The following ACSM2A variants were observed in gnomAD, a reference collection of about 807,000 sequenced individuals.
ACSM2A encodes acyl-CoA synthetase medium chain family member 2A, also known as acyl-coenzyme A synthetase ACSM2A, mitochondrial.
ACSM2A carries 72 observed loss-of-function variants against 76.6 expected under a neutral mutation model. That is an observed-to-expected ratio of 0.94 (90% CI 0.78 to 1.14). ACSM2A has a LOEUF of 1.14. ACSM2A is among the 50% of genes most tolerant of loss of function. The pLI is 0.00. For synonymous variants in ACSM2A, 249 were observed against 255.9 expected, an observed-to-expected ratio of 0.97 and a Z score of 0.26; for missense variants, 684 against 708.5, an observed-to-expected ratio of 0.97 and a Z score of 0.39.
Position 20,478,662 on chromosome 16 carries a change from C to T in ACSM2A, c.1266C>T (p.Ile422=). 1 of 1,612,900 alleles carries T rather than the reference C, an allele frequency of 6.2e-7. No homozygotes were observed. The highest frequency in any genetic ancestry group is 8.5e-7 in the Non-Finnish European group (1 of 1,179,150). Reference sequence around the variant, plus strand: ...TCAAACCCATCAGGCCTATAGGCATCTTCTCTGGCTATGTGGTGAGAAACT... The same window carrying T: ...TCAAACCCATCAGGCCTATAGGCATTTTCTCTGGCTATGTGGTGAGAAACT... ...IRVKPIRPIG[I]FSGYVDNPDK... Residue 422 remains isoleucine, a synonymous_variant, in exon 10 of 14, where the codon ATC becomes ATT. Transcript: ENST00000573854.
chr16:20,465,235 TA>T (rs967777241), intron 2 of ACSM2A, among the ~76,000 whole-genome samples: 22 of 152,268 alleles, frequency 1.4e-4, no homozygotes, highest in African/African-American at 4.3e-4. Context: ...TTTATCATTA[TA>T]AAAAAATTAT....
At chr16:20,465,831 A>C (rs1037818970) in intron 3 of ACSM2A, 104 bp downstream of exon 3, 3 of 1,486,020 alleles carry the variant, frequency 2.0e-6, no homozygotes, top group Middle Eastern at 2.2e-4. Context: ...TCCTTGGAGC[A>C]TGCTGTCCTG....
chr16:20,483,102 T>C lies in ACSM2A; in HGVS notation c.1554T>C (p.His518=). ...FVVLASQFLS[H]DPEQLTKELQ... ...TCCTGGCCTCGCAGTTCCTGTCCCA[T>C]GACCCAGAACAGCTCACCAAGGAGC... is the stretch of plus-strand genomic sequence containing the variant. The change falls in exon 13 of 14, where the codon CAT becomes CAC. Residue 518 remains histidine, a synonymous_variant. Transcript: ENST00000573854. 2.5e-6 allele frequency: 4 copies of C among 1,614,112 alleles called. No homozygotes were observed. The highest frequency in any genetic ancestry group is 3.4e-6 in the Non-Finnish European group (4 of 1,179,998).
In ACSM2A at chr16:20,480,906, C is replaced by G. The variant is rs145574596; in HGVS notation, c.1494C>G (p.Asp498Glu). Residue 498 changes from aspartate (D) to glutamate (E), a missense_variant, in exon 12 of 14, where the codon GAC (aspartate) becomes GAG (glutamate). Around this residue, in one of 3 missense-constraint regions of ACSM2A, gnomAD observed 159 missense variants for 132.5 expected, o/e 1.20. Transcript: ENST00000573854. ...AGACGGCTGTGATCAGCAGCCCAGA[C>G]CCCGTCCGAGGAGAGGTGATGGGGA... is the stretch of plus-strand genomic sequence containing the variant. The part of the protein sequence containing the change: ...VVETAVISSP[D>E]PVRGEVVKAF... 1 of 1,613,916 alleles carries G rather than the reference C, an allele frequency of 6.2e-7. No individual in the cohort carries two copies. The highest frequency in any genetic ancestry group is 8.5e-7 in the Non-Finnish European group (1 of 1,179,864).
intron 1 of ACSM2A, among the ~76,000 whole-genome samples, chr16:20,455,892 C>A (rs968005710): frequency 6.6e-6 from 1 of 151,422 alleles, no homozygotes; most frequent in Non-Finnish European, 1.5e-5. Context: ...CAAGTATCTA[C>A]TGCTTTCAAG....
chr16:20,474,266 T>C lies in ACSM2A; in HGVS notation c.895-1096T>C, dbSNP rs58082264. 2,454 of 247,082 alleles carry C rather than the reference T, an allele frequency of 9.9e-3. 61 individuals carry two copies. The highest frequency in any genetic ancestry group is 0.053 in the African/African-American group (2,252 of 42,624). 15.3% of individuals were successfully genotyped at this position (247,082 alleles called of 1,614,324 possible). ...TTTCATCAACAAACTCAATCCCCAGTGTAACAGTAGTAAGCGGTGGGGCAT... is the reference window on the plus strand; with the variant it reads ...TTTCATCAACAAACTCAATCCCCAGCGTAACAGTAGTAAGCGGTGGGGCAT... On this transcript the variant is annotated intron_variant, in intron 6 of 13. Coordinates refer to ENST00000573854, the MANE Select transcript of ACSM2A (RefSeq NM_001308172.2).
At chr16:20,469,842 C>T (rs1843283421) in intron 4 of ACSM2A, 123 bp downstream of exon 4, 13 of 1,177,270 alleles carry the variant, frequency 1.1e-5, no homozygotes, top group South Asian at 3.2e-5. Context: ...AAGAGTGAAG[C>T]TGGGAAGAAA....
Position 20,473,425 on chromosome 16 carries a change from G to A in ACSM2A, c.894+1736G>A, listed in dbSNP as rs543910307. ...GGTGGAAAAGACTAAGGAAATTAAGGAGAAATATAGCAAATGAGTATGTAG... is the reference window on the plus strand; with the variant it reads ...GGTGGAAAAGACTAAGGAAATTAAGAAGAAATATAGCAAATGAGTATGTAG... On this transcript the variant is annotated intron_variant, in intron 6 of 13. Transcript: ENST00000573854. 3.9e-5 allele frequency among the ~76,000 whole-genome samples: 6 copies of A among 152,230 alleles called. No individual in the cohort carries two copies. The South Asian group carries it at 1.2e-3, about 32-fold the overall frequency.
intron 12 of ACSM2A, 51 bp from the exon 13 acceptor site, chr16:20,483,007 A>T: frequency 6.3e-7 from 1 of 1,595,922 alleles, no homozygotes; most frequent in Non-Finnish European, 8.6e-7. Flanking sequence ...TTATTCCAGG[A>T]GATGACTACA....
chr16:20,470,856 G>T (rs1220016627), intron 4 of ACSM2A: 2 of 731,948 alleles, frequency 2.7e-6, no homozygotes, highest in Non-Finnish European at 4.8e-6. Context: ...AGTAGTTTAA[G>T]GTTGCATTGA....
chr16:20,472,350 C>T (rs1006168979), intron 6 of ACSM2A, among the ~76,000 whole-genome samples: 5 of 152,138 alleles, frequency 3.3e-5, no homozygotes, highest in African/African-American at 1.2e-4. Context: ...CTGATGGCTC[C>T]CTTACTGCTA....
chr16:20,477,591 T>C (rs1239092765), intron 9 of ACSM2A, 142 bp downstream of exon 9: 16 of 1,418,392 alleles, frequency 1.1e-5, no homozygotes, highest in Non-Finnish European at 1.3e-5. Flanking sequence ...GGTAGGGAGG[T>C]TGGGGGAAGG....
In ACSM2A at chr16:20,486,591, C is replaced by G; in HGVS notation, c.1647C>G (p.Asn549Lys). ...TTCAACAGATAGAGTTTGTCTTGAA[C>G]CTGCCCAAGACTGTCACAGGGAAAA... ...KYPRKIEFVL[N>K]LPKTVTGKIQ... is the part of the protein sequence containing the mutation. The change falls in exon 14 of 14, where the codon AAC becomes AAG. Residue 549 changes from asparagine to lysine, a missense_variant. Asn to Lys is a moderately conservative substitution (Grantham distance 94). Coordinates refer to ENST00000573854, the MANE Select transcript of ACSM2A (RefSeq NM_001308172.2). 6.2e-7 allele frequency: 1 copy of G among 1,614,154 alleles called. No homozygotes were observed. Among genetic ancestry groups the G allele is most frequent in the Non-Finnish European group, 8.5e-7 (1 of 1,180,008 alleles).
At chr16:20,480,992 A>G (rs1303911571) in intron 12 of ACSM2A, 71 bp downstream of exon 12, 1 of 1,582,514 alleles carries the variant, frequency 6.3e-7, no homozygotes, top group African/African-American at 1.4e-5. Context: ...ATGGTTTAAG[A>G]ACAGGGACTG....
At chr16:20,476,093 G>C (rs867104027) in intron 8 of ACSM2A, 111 of 1,083,534 alleles carry the variant, frequency 1.0e-4, no homozygotes, top group South Asian at 5.8e-4. Flanking sequence ...TGGTAAATCA[G>C]ATATGGTAGT....
chr16:20,483,650 C>G lies in ACSM2A; in HGVS notation c.1629+473C>G, dbSNP rs147007640. Among the ~76,000 whole-genome samples, 339 of 141,132 alleles carry G rather than the reference C, an allele frequency of 2.4e-3. 2 individuals are homozygous for G. Among genetic ancestry groups the G allele is most frequent in the African/African-American group, 8.3e-3 (326 of 39,080 alleles). The allele number at this position is 141,132 out of a possible 152,430, so 92.6% of individuals were successfully genotyped here. ...CCAGAAAGACAATCTAGCTTGATGC[C>G]TGAAAAATGACCTCAGCTTTTGACT... On this transcript the variant is annotated intron_variant, in intron 13 of 13. Coordinates refer to ENST00000573854, the MANE Select transcript of ACSM2A (RefSeq NM_001308172.2).
intron 12 of ACSM2A, 118 bp from the exon 13 acceptor site, chr16:20,482,940 C>T (rs1038301949): frequency 7.5e-6 from 11 of 1,476,066 alleles, no homozygotes; most frequent in African/African-American, 1.4e-5. Context: ...ACCTGGATCA[C>T]CGGGGGTGCA....
At chr16:20,474,915 A>T (rs1372722697) in intron 6 of ACSM2A, among the ~76,000 whole-genome samples, 1 of 152,230 alleles carries the variant, frequency 6.6e-6, no homozygotes, top group African/African-American at 2.4e-5. Context: ...TCTAAAATAT[A>T]TTCCAAAAAT....
intron 13 of ACSM2A, among the ~76,000 whole-genome samples, chr16:20,483,421 T>A (rs1347760556): frequency 2.0e-5 from 3 of 150,960 alleles, no homozygotes; most frequent in Non-Finnish European, 3.0e-5. Context: ...AATGCAAAAA[T>A]TAGCCCGGTG....
Sources: allele counts gnomAD v4.1 joint callset (sites outside exome capture counted in the v4.1 genomes callset), GRCh38; gene constraint gnomAD v4.1.1; regional missense constraint gnomAD v4.1.1; transcripts MANE v1.5; gene names NCBI Gene and HGNC (gene_info 2026-07-23, HGNC 2026-07-21).